Variants in TGFB1I1 observed in about 807,000 individuals in gnomAD.
TGFB1I1 encodes the protein transforming growth factor beta 1 induced transcript 1.
A neutral mutation model predicts 52.0 loss-of-function variants in TGFB1I1; 33 were observed. The observed-to-expected ratio is 0.63, with a 90% confidence interval of 0.48 to 0.85. TGFB1I1 has a LOEUF of 0.85. Among genes scored for constraint, TGFB1I1 ranks in the 40% least tolerant of loss-of-function variants. The pLI is 0.00. For missense variants in TGFB1I1, 577 were observed against 614.9 expected, an observed-to-expected ratio of 0.94 and a Z score of 0.65; for synonymous variants, 236 against 253.3, an observed-to-expected ratio of 0.93 and a Z score of 0.65.
Position 31,476,134 on chromosome 16 carries a change from C to T in TGFB1I1, c.837C>T (p.Tyr279=), listed in dbSNP as rs749307809. ...KDGAPFCPEC[Y]FERFSPRCGF... is the part of the protein sequence containing the mutation. Reference sequence around the variant, plus strand: ...GAGCCCCCTTCTGCCCCGAGTGCTACTTTGAGCGCTTCTCGCCAAGATGTG... The same window carrying T: ...GAGCCCCCTTCTGCCCCGAGTGCTATTTTGAGCGCTTCTCGCCAAGATGTG... The change falls in exon 8 of 11, where the codon TAC becomes TAT. Residue 279 remains tyrosine, a synonymous_variant. Coordinates refer to ENST00000394863, the MANE Select transcript of TGFB1I1 (RefSeq NM_001042454.3). The surrounding 1 kb of genome is among the most constrained non-coding windows in gnomAD (Gnocchi z 7.6). 1 of 1,613,830 alleles carries T rather than the reference C, an allele frequency of 6.2e-7. No homozygotes were observed.
Position 31,474,845 on chromosome 16 carries a change from T to C in TGFB1I1, c.714+88T>C. ...TGGGCTTTATGCTGTTCCCTTTTAG[T>C]AAGTTAATCTGGGAAGTGGGTATCA... On this transcript the variant is annotated intron_variant, in intron 7 of 10. Transcript: ENST00000394863. This position sits in a 1 kb window ranked among gnomAD's most constrained non-coding sequence, Gnocchi z 4.2. 7.9e-7 allele frequency: 1 copy of C among 1,264,080 alleles called. No individual in the cohort carries two copies. The highest frequency in any genetic ancestry group is 1.4e-5 in the South Asian group (1 of 73,726). The allele number at this position is 1,264,080 out of a possible 1,614,324, so 78.3% of individuals were successfully genotyped here.
At chr16:31,475,144 TG>T (rs2082416011) in intron 7 of TGFB1I1, 1 of 219,018 alleles carries the variant, frequency 4.6e-6, no homozygotes. Flanking sequence ...ACTGAGCAGA[TG>T]TGATTGACAA....
At chr16:31,472,896 G>A (rs1048640360) in intron 1 of TGFB1I1, 2 of 152,888 alleles carry the variant, frequency 1.3e-5, no homozygotes, top group African/African-American at 4.8e-5. Flanking sequence ...GGGAGAGAGG[G>A]GCTTCCGGCC....
Position 31,476,980 on chromosome 16 carries a change from G to A in TGFB1I1, c.1089G>A (p.Ala363=). Residue 363 remains alanine (A), a synonymous_variant, in exon 10 of 11, where the codon GCG becomes GCA. Coordinates refer to ENST00000394863, the MANE Select transcript of TGFB1I1 (RefSeq NM_001042454.3). This position sits in a 1 kb window ranked among gnomAD's most constrained non-coding sequence, Gnocchi z 7.6. Reference sequence around the variant, plus strand: ...ATAACTACATCTCGGCGCTCAGCGCGCTCTGGCACCCGGACTGTTTCGTCT... The same window carrying A: ...ATAACTACATCTCGGCGCTCAGCGCACTCTGGCACCCGGACTGTTTCGTCT... ...ILDNYISALS[A]LWHPDCFVCR... 6.3e-7 allele frequency: 1 copy of A among 1,593,866 alleles called. No individual in the cohort carries two copies. Among genetic ancestry groups the A allele is most frequent in the Non-Finnish European group, 8.5e-7 (1 of 1,175,736 alleles).
intron 3 of TGFB1I1, 49 bp from the exon 4 acceptor site, chr16:31,473,786 A>G: frequency 6.2e-7 from 1 of 1,602,006 alleles, no homozygotes; most frequent in Non-Finnish European, 8.5e-7. Flanking sequence ...TCAGGTGAGG[A>G]GGCTTGGATT....
At position 31,476,044 on chromosome 16, in the gene TGFB1I1, C is replaced by T. The variant is rs2082421146; in HGVS notation, c.747C>T (p.Pro249=). 1 of 1,613,448 alleles carries T rather than the reference C, an allele frequency of 6.2e-7. No homozygotes were observed. The highest frequency in any genetic ancestry group is 1.7e-4 in the Middle Eastern group (1 of 6,058). ...VVTALGRAWH[P]EHFVCGGCST... is the part of the protein sequence containing the mutation. ...CGGCTCTGGGCCGCGCCTGGCACCC[C>T]GAGCACTTCGTTTGCGGAGGCTGTT... The change falls in exon 8 of 11, where the codon CCC becomes CCT. Residue 249 remains proline, a synonymous_variant. Coordinates refer to ENST00000394863, the MANE Select transcript of TGFB1I1 (RefSeq NM_001042454.3). This position sits in a 1 kb window ranked among gnomAD's most constrained non-coding sequence, Gnocchi z 7.6.
intron 3 of TGFB1I1, 33 bp downstream of exon 3, chr16:31,473,767 A>C: frequency 6.3e-7 from 1 of 1,588,238 alleles, no homozygotes. Context: ...CATGGGGGCC[A>C]ACTGAGTCTC....
intron 1 of TGFB1I1, chr16:31,472,445 G>T (rs530288644): frequency 5.3e-6 from 4 of 759,906 alleles, no homozygotes; most frequent in Non-Finnish European, 7.1e-6. Flanking sequence ...CAGATGGAAC[G>T]GGAGGTGCGG....
chr16:31,477,680 C>T lies in TGFB1I1; in HGVS notation c.*104C>T, dbSNP rs1387409421. The T allele has an allele frequency of 2.1e-6, 3 of 1,403,046 alleles. No individual in the cohort carries two copies. The highest frequency in any genetic ancestry group is 2.6e-5 in the Admixed American group (1 of 37,962). The allele number at this position is 1,403,046 out of a possible 1,614,324, so 86.9% of individuals were successfully genotyped here. On this transcript the variant is annotated 3_prime_UTR_variant, in exon 11 of 11. Coordinates refer to ENST00000394863, the MANE Select transcript of TGFB1I1 (RefSeq NM_001042454.3). This position sits in a 1 kb window ranked among gnomAD's most constrained non-coding sequence, Gnocchi z 4.7. ...CTCTCAGAGCGGGAGGCCCCACCCA[C>T]TGGAGAGCCCCGCCCCTAAGGTACT...
intron 1 of TGFB1I1, 152 bp downstream of exon 1, chr16:31,472,353 C>T: frequency 8.0e-7 from 1 of 1,254,904 alleles, no homozygotes; most frequent in Non-Finnish European, 1.0e-6. Flanking sequence ...CGTCCCCCTT[C>T]CTGCCTCTCC....
Position 31,476,179 on chromosome 16 carries a change from C to G in TGFB1I1, c.882C>G (p.Ile294Met). The G allele has an allele frequency of 1.2e-6, 2 of 1,612,344 alleles. No homozygotes were observed. The highest frequency in any genetic ancestry group is 1.7e-6 in the Non-Finnish European group (2 of 1,179,742). Residue 294 changes from isoleucine to methionine, a missense_variant, in exon 8 of 11, where the codon ATC becomes ATG. Physicochemically the swap from Ile to Met is conservative, Grantham distance 10 (BLOSUM62 1). Transcript: ENST00000394863. The surrounding 1 kb of genome is among the most constrained non-coding windows in gnomAD (Gnocchi z 7.6). ...GATGTGGCTTCTGCAACCAGCCCAT[C>G]CGACACGTGAGCCCCGCCCGGCCGC... ...SPRCGFCNQP[I>M]RHKMVTALGT...
rs2082426633 is a variant in TGFB1I1 at position 31,476,760 on chromosome 16, C to T, written c.971-102C>T. On this transcript the variant is annotated intron_variant, in intron 9 of 10. Coordinates refer to ENST00000394863, the MANE Select transcript of TGFB1I1 (RefSeq NM_001042454.3). This position sits in a 1 kb window ranked among gnomAD's most constrained non-coding sequence, Gnocchi z 7.6. ...AGACCCGGCTCCTCCTTCCCCAAGG[C>T]TCCCTCGGACTGCCCCTCCTTCGGC... The T allele has an allele frequency of 6.4e-7, 1 of 1,552,070 alleles. No homozygotes were observed. Among genetic ancestry groups the T allele is most frequent in the Non-Finnish European group, 8.7e-7 (1 of 1,149,384 alleles).
chr16:31,472,346 C>G, intron 1 of TGFB1I1, 145 bp downstream of exon 1: 1 of 1,296,702 alleles, frequency 7.7e-7, no homozygotes, highest in South Asian at 2.3e-5. Context: ...AACTCCACGT[C>G]CCCCTTCCTG....
rs369504793 is a variant in TGFB1I1 at position 31,477,486 on chromosome 16, C to G, written c.1296C>G (p.Thr432=). ...TCCACCCGGACCACTTCACATGCACCTTCTGCCTGCGCCCGCTCACCAAGG... is the reference window on the plus strand; with the variant it reads ...TCCACCCGGACCACTTCACATGCACGTTCTGCCTGCGCCCGCTCACCAAGG... The part of the protein sequence containing the change: ...RRFHPDHFTC[T]FCLRPLTKGS... The change falls in exon 11 of 11, where the codon ACC becomes ACG. Residue 432 remains threonine (T), a synonymous_variant. Transcript: ENST00000394863. This position sits in a 1 kb window ranked among gnomAD's most constrained non-coding sequence, Gnocchi z 4.7. 1 of 1,607,034 alleles carries G rather than the reference C, an allele frequency of 6.2e-7. No homozygotes were observed. The highest frequency in any genetic ancestry group is 2.2e-5 in the East Asian group (1 of 44,554).
At chr16:31,472,351 T>G in intron 1 of TGFB1I1, 150 bp downstream of exon 1, 2 of 1,233,550 alleles carry the variant, frequency 1.6e-6, no homozygotes, top group East Asian at 3.3e-5. Context: ...CACGTCCCCC[T>G]TCCTGCCTCT....
chr16:31,477,787 A>G lies in TGFB1I1; in HGVS notation c.*211A>G, dbSNP rs1046752699. On this transcript the variant is annotated 3_prime_UTR_variant, in exon 11 of 11. Transcript: ENST00000394863. The surrounding 1 kb of genome is among the most constrained non-coding windows in gnomAD (Gnocchi z 4.7). ...CCACAAAGTGGATTGCACACAGACA[A>G]GAACTCCCGTGCGGGCCTCCACTCT... The G allele has an allele frequency of 4.0e-5, 26 of 646,782 alleles. No individual in the cohort carries two copies. Among genetic ancestry groups the G allele is most frequent in the Non-Finnish European group, 6.1e-5 (24 of 392,490 alleles). The allele number at this position is 646,782 out of a possible 1,614,324, so 40.1% of individuals were successfully genotyped here. A position where few individuals can be genotyped will look rare whatever the true frequency, so the allele number is the denominator to read the frequency against.
Position 31,474,482 on chromosome 16 carries a change from A to AT in TGFB1I1, c.519+30dup. ...TGAGTTGGGCAGTGGGCCAGTGTCC[A>AT]TTTGTGGCTCCCCAACCCCTTCTAG... On this transcript the variant is annotated intron_variant, in intron 6 of 10. Coordinates refer to ENST00000394863, the MANE Select transcript of TGFB1I1 (RefSeq NM_001042454.3). This position sits in a 1 kb window ranked among gnomAD's most constrained non-coding sequence, Gnocchi z 4.2. 6.2e-7 allele frequency: 1 copy of AT among 1,613,986 alleles called. No individual in the cohort carries two copies. The highest frequency in any genetic ancestry group is 2.2e-5 in the East Asian group (1 of 44,880).
At position 31,473,673 on chromosome 16, in the gene TGFB1I1, G is replaced by A. The variant is rs769099618; in HGVS notation, c.130-9G>A. On this transcript the variant is annotated splice_polypyrimidine_tract_variant and intron_variant, in intron 2 of 10. Transcript: ENST00000394863. ...CCTGTCATCCCACCTGTGCGTCTCC[G>A]CTCTGTAGACAGGGTCTGGGGAGTC... The A allele has an allele frequency of 9.6e-6, 15 of 1,567,540 alleles. No individual in the cohort carries two copies. The East Asian group carries it at 1.1e-4, about 12-fold the overall frequency.
chr16:31,474,997 G>A lies in TGFB1I1; in HGVS notation c.714+240G>A. On this transcript the variant is annotated intron_variant, in intron 7 of 10. Transcript: ENST00000394863. The surrounding 1 kb of genome is among the most constrained non-coding windows in gnomAD (Gnocchi z 4.2). The stretch of plus-strand genomic sequence containing the variant: ...CTACTGTGTGCCAGGCACTGTGCCA[G>A]CTCCTTTACAAACCCTCATCTCATC... 1.9e-6 allele frequency: 1 copy of A among 534,908 alleles called. No individual in the cohort carries two copies. Among genetic ancestry groups the A allele is most frequent in the Non-Finnish European group, 3.3e-6 (1 of 299,262 alleles). 33.1% of individuals were successfully genotyped at this position (534,908 alleles called of 1,614,324 possible). A position where few individuals can be genotyped will look rare whatever the true frequency, so the allele number is the denominator to read the frequency against.
Sources: gnomAD v4.1 joint callset for allele counts on GRCh38, gnomAD v4.1.1 for gene constraint, Gnocchi (gnomAD v3.1) non-coding constraint, MANE v1.5 for transcripts, NCBI Gene and HGNC (gene_info 2026-07-23, HGNC 2026-07-21) for gene names.